Variants in ATP10B observed in about 807,000 individuals in gnomAD.
ATP10B encodes the protein phospholipid-transporting ATPase VB.
ATP10B carries 122 observed loss-of-function variants against 141.2 expected under a neutral mutation model. That is an observed-to-expected ratio of 0.86 (90% CI 0.75 to 1.00). The LOEUF is 1.00. Among genes scored for constraint, ATP10B ranks in the 50% least tolerant of loss-of-function variants. The probability of loss-of-function intolerance (pLI) is 0.00; values close to 1 mark genes in which losing one functional copy is unlikely to be tolerated. For synonymous variants in ATP10B, 685 were observed against 692.0 expected, an observed-to-expected ratio of 0.99 and a Z score of 0.16; for missense variants, 1,876 against 1,825.3, an observed-to-expected ratio of 1.03 and a Z score of -0.51.
At chr5:160,833,793 A>G (rs148111969) in intron 1 of ATP10B, among the ~76,000 whole-genome samples, 1 of 152,320 alleles carries the variant, frequency 6.6e-6, no homozygotes, top group East Asian at 1.9e-4. Flanking sequence ...AATCAATTAC[A>G]TTTGGCAGTG....
intron 17 of ATP10B, chr5:160,614,201 T>A (rs988890450): frequency 6.6e-6 from 1 of 152,186 alleles, no homozygotes; most frequent in African/African-American, 2.4e-5. Context: ...GAGCCTCATC[T>A]TCCCCTATAA....
In ATP10B at chr5:160,686,270, C is replaced by A; in HGVS notation, c.279G>T (p.Trp93Cys). The A allele has an allele frequency of 6.3e-7, 1 of 1,578,758 alleles. No individual in the cohort carries two copies. The highest frequency in any genetic ancestry group is 8.6e-7 in the Non-Finnish European group (1 of 1,157,838). Residue 93 changes from tryptophan (W) to cysteine (C), a missense_variant, in exon 6 of 26, where the codon TGG (tryptophan) becomes TGT (cysteine). Coordinates refer to ENST00000327245, the MANE Select transcript of ATP10B (RefSeq NM_025153.3). ...PRNLFEQFHR[W>C]ANLYFLFLVI... ...CCAGGAACAGGAAATAGAGGTTAGC[C>A]CATCTGGAGGGGCAAGCGAAGTGTG...
intron 6 of ATP10B, 131 bp downstream of exon 6, chr5:160,685,948 C>T (rs1321849033): frequency 1.3e-6 from 1 of 785,328 alleles, no homozygotes; most frequent in Non-Finnish European, 1.9e-6. Flanking sequence ...TCGAAATCAC[C>T]CCCCCTTGAG....
At position 160,616,091 on chromosome 5, in the gene ATP10B, C is replaced by A. The variant is rs1757981196; in HGVS notation, c.2527-127G>T. On this transcript the variant is annotated intron_variant, in intron 16 of 25. Coordinates refer to ENST00000327245, the MANE Select transcript of ATP10B (RefSeq NM_025153.3). ...TCCCTACATAATTAGATGGGGCTTT[C>A]TTCTCAAAGACTTTTTTTTAAATAT... 5 of 950,780 alleles carry A rather than the reference C, an allele frequency of 5.3e-6. No individual in the cohort carries two copies. The East Asian group carries it at 1.5e-4, about 28-fold the overall frequency. The allele number at this position is 950,780 out of a possible 1,614,324, so 58.9% of individuals were successfully genotyped here.
At chr5:160,740,745 C>G (rs1767410092) in intron 2 of ATP10B, among the ~76,000 whole-genome samples, 1 of 152,190 alleles carries the variant, frequency 6.6e-6, no homozygotes, top group Non-Finnish European at 1.5e-5. Context: ...TCAGCGATTG[C>G]AAAGTACAAG....
At chr5:160,779,220 A>T (rs1432762929) in intron 2 of ATP10B, among the ~76,000 whole-genome samples, 1 of 152,216 alleles carries the variant, frequency 6.6e-6, no homozygotes, top group Non-Finnish European at 1.5e-5. Context: ...TTATTGCAGC[A>T]TTGTATATAA....
At chr5:160,736,905 C>G (rs1767157538) in intron 2 of ATP10B, among the ~76,000 whole-genome samples, 1 of 152,192 alleles carries the variant, frequency 6.6e-6, no homozygotes, top group Non-Finnish European at 1.5e-5. Context: ...CTAACTCATT[C>G]TATGAGGCCA....
chr5:160,850,081 T>C (rs1431479016), intron 1 of ATP10B, among the ~76,000 whole-genome samples: 1 of 152,088 alleles, frequency 6.6e-6, no homozygotes, highest in Admixed American at 6.6e-5. Context: ...CCTTCTGACA[T>C]GGCAGAAGCT....
chr5:160,638,143 T>C (rs1391420152), intron 10 of ATP10B, among the ~76,000 whole-genome samples: 3 of 152,190 alleles, frequency 2.0e-5, no homozygotes, highest in Non-Finnish European at 4.4e-5. Context: ...TGGTGCTCAT[T>C]TGAGAGCTTT....
At chr5:160,746,937 T>C (rs1305023649) in intron 2 of ATP10B, among the ~76,000 whole-genome samples, 1 of 152,182 alleles carries the variant, frequency 6.6e-6, no homozygotes, top group African/African-American at 2.4e-5. Context: ...TGGTGGCAAA[T>C]TGACTGCCCA....
At chr5:160,704,514 G>A (rs917692893) in intron 3 of ATP10B, among the ~76,000 whole-genome samples, 5 of 152,110 alleles carry the variant, frequency 3.3e-5, no homozygotes, top group African/African-American at 9.7e-5. Context: ...AGTAGATTTA[G>A]CATAATTCTT....
At chr5:160,582,874 A>G (rs968176080) in intron 24 of ATP10B, among the ~76,000 whole-genome samples, 2 of 152,082 alleles carry the variant, frequency 1.3e-5, no homozygotes, top group African/African-American at 2.4e-5. Flanking sequence ...CGATTCAGCT[A>G]TTGATACTTG....
intron 1 of ATP10B, among the ~76,000 whole-genome samples, chr5:160,813,387 T>A (rs1773318030): frequency 6.6e-6 from 1 of 152,196 alleles, no homozygotes. Flanking sequence ...CGCTCATTGC[T>A]AGCACAGCAG....
chr5:160,912,365 C>T, the ATP10B span, among the ~76,000 whole-genome samples: 4 of 145,754 alleles, frequency 2.7e-5, no homozygotes, highest in African/African-American at 5.1e-5. Context: ...TCACTTGAGT[C>T]CAGGAGTTTG....
intron 2 of ATP10B, among the ~76,000 whole-genome samples, chr5:160,751,623 G>A (rs927405002): frequency 4.6e-5 from 7 of 152,030 alleles, no homozygotes; most frequent in Non-Finnish European, 8.8e-5. Context: ...ATGCTCTTCC[G>A]GAGACTCTTG....
In ATP10B at chr5:160,569,501, GA is replaced by G. The variant is rs766594648; in HGVS notation, c.3932del (p.Leu1311ProfsTer17). 5.6e-6 allele frequency: 9 copies of G among 1,613,750 alleles called. No homozygotes were observed. Among genetic ancestry groups the G allele is most frequent in the Non-Finnish European group, 7.6e-6 (9 of 1,179,804 alleles). The part of the protein sequence containing the change: ...VCFLTPVVAL[L>X]PRYFFLSLQG... ...CACAGCCCTAGTGCTCAAACCTTGG[GA>G]GAAGAGCAACAACTGGTGTGAGAAA... On this transcript the variant is annotated frameshift_variant, in exon 25 of 26. Coordinates refer to ENST00000327245, the MANE Select transcript of ATP10B (RefSeq NM_025153.3). LOFTEE classifies it low-confidence loss of function (END_TRUNC).
In ATP10B at chr5:160,654,268, G is replaced by A. The variant is rs181129377; in HGVS notation, c.676-5012C>T. 1.2e-4 allele frequency among the ~76,000 whole-genome samples: 18 copies of A among 151,866 alleles called. No homozygotes were observed. In the East Asian group the frequency reaches 3.5e-3, roughly 29 times the overall value. ...GTGTAAGCCATCGTGCCTGGCCAGGGTTCTTATTTTAACCTTGTTCAGGAG... is the reference window on the plus strand; with the variant it reads ...GTGTAAGCCATCGTGCCTGGCCAGGATTCTTATTTTAACCTTGTTCAGGAG... On this transcript the variant is annotated intron_variant, in intron 7 of 25. Coordinates refer to ENST00000327245, the MANE Select transcript of ATP10B (RefSeq NM_025153.3).
At chr5:160,878,436 GA>G in the ATP10B span, among the ~76,000 whole-genome samples, 1 of 152,072 alleles carries the variant, frequency 6.6e-6, no homozygotes, top group African/African-American at 2.4e-5. Context: ...AACCCTAGAA[GA>G]AAACCTAGGC....
In ATP10B at chr5:160,716,918, G is replaced by C. The variant is rs144536036; in HGVS notation, c.-214C>G. On this transcript the variant is annotated 5_prime_UTR_variant, in exon 3 of 26. Coordinates refer to ENST00000327245, the MANE Select transcript of ATP10B (RefSeq NM_025153.3). ...AACGCAAAAGATATACCTGTTAGCG[G>C]AGTCCCTTTAAGGAGGTTAGACCAG... The C allele has an allele frequency of 3.6e-4, 354 of 985,376 alleles. 2 individuals carry two copies. The African/African-American group carries it at 5.9e-3, about 16-fold the overall frequency. The allele number at this position is 985,376 out of a possible 1,614,324, so 61.0% of individuals were successfully genotyped here. A position where few individuals can be genotyped will look rare whatever the true frequency, so the allele number is the denominator to read the frequency against.
Sources: gnomAD v4.1 joint callset for allele counts (sites outside exome capture counted in the v4.1 genomes callset) on GRCh38, gnomAD v4.1.1 for gene constraint, MANE v1.5 for transcripts, NCBI Gene and HGNC (gene_info 2026-07-23, HGNC 2026-07-21) for gene names.